Variants in TBC1D4 observed in about 807,000 individuals in gnomAD.
TBC1D4 encodes TBC1 domain family member 4.
Under a neutral mutation model 142.5 loss-of-function variants are expected in TBC1D4, and 121 were observed. The observed-to-expected ratio is 0.85, with a 90% confidence interval of 0.73 to 0.99. The LOEUF (loss-of-function observed/expected upper bound fraction) is 0.99, where lower values mean the gene tolerates loss of function less well. TBC1D4 is among the 50% of genes least tolerant of loss of function. The probability of loss-of-function intolerance (pLI) is 0.00; values close to 1 mark genes in which losing one functional copy is unlikely to be tolerated. For synonymous variants in TBC1D4, 630 were observed against 628.2 expected (o/e 1.00, Z -0.04); for missense variants, 1,475 against 1,606.6 (o/e 0.92, Z 1.40).
intron 1 of TBC1D4, among the ~76,000 whole-genome samples, chr13:75,413,074 G>C (rs1231512956): frequency 1.3e-5 from 2 of 152,172 alleles, no homozygotes; most frequent in African/African-American, 2.4e-5. Context: ...ATGCCACAAA[G>C]AGAGAAGCAG....
intron 1 of TBC1D4, among the ~76,000 whole-genome samples, chr13:75,461,728 T>C (rs776345959): frequency 1.6e-4 from 25 of 152,222 alleles, no homozygotes; most frequent in Non-Finnish European, 3.2e-4. Flanking sequence ...GATTGAGACA[T>C]TTTGTTAAAG....
chr13:75,297,770 AAC>A (rs10565467), intron 17 of TBC1D4, among the ~76,000 whole-genome samples: 7,451 of 151,440 alleles, frequency 0.049, 403 homozygotes, highest in African/African-American at 0.13. Context: ...AAAAAAAAAA[AAC>A]GATAAAAAGA....
chr13:75,460,468 G>A (rs1887920915), intron 1 of TBC1D4, among the ~76,000 whole-genome samples: 1 of 152,210 alleles, frequency 6.6e-6, no homozygotes, highest in African/African-American at 2.4e-5. Context: ...ACCAATGTGT[G>A]TAGAGAGAGA....
Position 75,383,640 on chromosome 13 carries a change from T to C in TBC1D4, c.499-21033A>G, listed in dbSNP as rs76590469. On this transcript the variant is annotated intron_variant, in intron 1 of 20. Coordinates refer to ENST00000377636, the MANE Select transcript of TBC1D4 (RefSeq NM_014832.5). ...TTGTTATAATTGTTCTGTCTTATTA[T>C]TATTGTTGCTAATTTCTTGCTGGGC... 1.8e-3 allele frequency among the ~76,000 whole-genome samples: 267 copies of C among 152,276 alleles called. 1 individual carries two copies. The highest frequency in any genetic ancestry group is 3.0e-3 in the Admixed American group (46 of 15,300).
At chr13:75,445,487 A>ACTTC (rs1887238051) in intron 1 of TBC1D4, among the ~76,000 whole-genome samples, 1 of 152,086 alleles carries the variant, frequency 6.6e-6, no homozygotes, top group Non-Finnish European at 1.5e-5. Context: ...CTCAGAAACC[A>ACTTC]CTCTAAGAAT....
rs1319629759 is a variant in TBC1D4 at position 75,292,111 on chromosome 13, A to G, written c.3477T>C (p.Ile1159=). ...AGCATTTAAATCATACCTGGGTAAT[A>G]ATTTTTTCCATTTCAGAGGTATTCA... is the stretch of plus-strand genomic sequence containing the variant. ...PDMNTSEMEK[I]ITQVFEMDIS... The change falls in exon 19 of 21, where the codon ATT becomes ATC. Residue 1159 remains isoleucine (I), a synonymous_variant. Transcript: ENST00000377636. 1.2e-6 allele frequency: 2 copies of G among 1,610,604 alleles called. No homozygotes were observed. Among genetic ancestry groups the G allele is most frequent in the Admixed American group, 3.3e-5 (2 of 59,894 alleles).
chr13:75,344,814 T>C (rs1375874355), intron 5 of TBC1D4, among the ~76,000 whole-genome samples: 1 of 152,226 alleles, frequency 6.6e-6, no homozygotes, highest in African/African-American at 2.4e-5. Context: ...CAGCTAAATG[T>C]ATTGACAAGA....
intron 1 of TBC1D4, among the ~76,000 whole-genome samples, chr13:75,387,545 T>G: frequency 6.6e-6 from 1 of 152,244 alleles, no homozygotes; most frequent in Non-Finnish European, 1.5e-5. Context: ...ATGCAAATTT[T>G]GACATATTCT....
At chr13:75,474,479 A>G (rs1011464250) in intron 1 of TBC1D4, among the ~76,000 whole-genome samples, 1 of 151,752 alleles carries the variant, frequency 6.6e-6, no homozygotes, top group African/African-American at 2.4e-5. Context: ...GAATGGCGTG[A>G]ACCCGGAAGG....
Position 75,481,984 on chromosome 13 carries a change from A to G in TBC1D4, c.-217T>C. ...AGGCTCCGGCGGCGGGCACCGAGGC[A>G]AGCGCCCGGCAGGCGAGGGCGGGTT... is the stretch of plus-strand genomic sequence containing the variant. On this transcript the variant is annotated 5_prime_UTR_variant, in exon 1 of 21. Transcript: ENST00000377636. 1.8e-6 allele frequency: 1 copy of G among 549,298 alleles called. No homozygotes were observed. Among genetic ancestry groups the G allele is most frequent in the Non-Finnish European group, 2.7e-6 (1 of 365,594 alleles). 34.0% of individuals were successfully genotyped at this position (549,298 alleles called of 1,614,324 possible).
At chr13:75,386,490 G>A (rs2138279795) in intron 1 of TBC1D4, among the ~76,000 whole-genome samples, 2 of 150,326 alleles carry the variant, frequency 1.3e-5, no homozygotes, top group East Asian at 2.0e-4. Flanking sequence ...TTGGGTCCAC[G>A]CCATTCTCCT....
chr13:75,416,095 A>G lies in TBC1D4; in HGVS notation c.499-53488T>C, dbSNP rs114725553. Among the ~76,000 whole-genome samples, 1,095 of 152,336 alleles carry G rather than the reference A, an allele frequency of 7.2e-3. 13 individuals are homozygous for G. The highest frequency in any genetic ancestry group is 0.024 in the African/African-American group (1,008 of 41,574). On this transcript the variant is annotated intron_variant, in intron 1 of 20. Coordinates refer to ENST00000377636, the MANE Select transcript of TBC1D4 (RefSeq NM_014832.5). The stretch of plus-strand genomic sequence containing the variant: ...AAATTGTACAAAACCTCAATCTGGA[A>G]ATCAAAATAGCTATTCTGAGACAAA...
intron 1 of TBC1D4, among the ~76,000 whole-genome samples, chr13:75,419,435 TAGTCTATTACCAGCTTTA>T (rs1291546686): frequency 6.6e-6 from 1 of 152,230 alleles, no homozygotes; most frequent in Non-Finnish European, 1.5e-5. Flanking sequence ...TTAGTTTTTA[TAGTCTATTACCAGCTTTA>T]AGAAAATATA....
At chr13:75,377,085 T>C (rs1267402145) in intron 1 of TBC1D4, among the ~76,000 whole-genome samples, 1 of 152,238 alleles carries the variant, frequency 6.6e-6, no homozygotes, top group African/African-American at 2.4e-5. Context: ...TTCTGTCTGA[T>C]TCAAAGTGTG....
rs371430271 is a variant in TBC1D4 at position 75,375,310 on chromosome 13, T to C, written c.499-12703A>G. On this transcript the variant is annotated intron_variant, in intron 1 of 20. Transcript: ENST00000377636. ...AAATGAGCTCTTCGTCTCCTCCAAT[T>C]CTGGGGGCCACTCCCAGGGTCCTTT... Among the ~76,000 whole-genome samples the C allele has an allele frequency of 7.9e-4, 120 of 152,320 alleles. 1 individual carries two copies. The highest frequency in any genetic ancestry group is 2.6e-3 in the African/African-American group (109 of 41,572).
chr13:75,471,858 G>A (rs1378706474), intron 1 of TBC1D4, among the ~76,000 whole-genome samples: 9 of 152,170 alleles, frequency 5.9e-5, no homozygotes, highest in African/African-American at 9.7e-5. Flanking sequence ...TGTAATCCCA[G>A]CACTTTGGGA....
At chr13:75,335,475 T>C (rs79110610) in intron 8 of TBC1D4, among the ~76,000 whole-genome samples, 2,443 of 152,250 alleles carry the variant, frequency 0.016, 34 homozygotes, top group South Asian at 0.055. Flanking sequence ...ATTTATACTT[T>C]TTTCAGCACT....
chr13:75,348,911 A>G (rs567346944), intron 5 of TBC1D4, among the ~76,000 whole-genome samples: 1 of 151,812 alleles, frequency 6.6e-6, no homozygotes, highest in Admixed American at 6.6e-5. Flanking sequence ...TTGCCTTCAG[A>G]AATGAGAGAG....
chr13:75,324,086 G>T, intron 11 of TBC1D4, 151 bp downstream of exon 11: 1 of 866,116 alleles, frequency 1.2e-6, no homozygotes, highest in South Asian at 1.6e-5. Context: ...AATTAATTGG[G>T]ATTGAAACCA....
Sources: allele counts gnomAD v4.1 joint callset (sites outside exome capture counted in the v4.1 genomes callset), GRCh38; gene constraint gnomAD v4.1.1; transcripts MANE v1.5; gene names NCBI Gene and HGNC (gene_info 2026-07-23, HGNC 2026-07-21).